The following FAM163B variants were observed in gnomAD, a reference collection of about 807,000 sequenced individuals.
FAM163B encodes family with sequence similarity 163 member B.
In FAM163B, 4 loss-of-function variants were observed where a neutral mutation model predicts 7.6. That is an observed-to-expected ratio of 0.52 (90% CI 0.26 to 1.20). The LOEUF (loss-of-function observed/expected upper bound fraction) is 1.20. Among genes scored for constraint, FAM163B ranks in the 50% most tolerant of loss-of-function variants. The pLI, the probability that FAM163B is intolerant of heterozygous loss-of-function variation, is 0.14. For missense variants in FAM163B, 250 were observed against 243.0 expected, an observed-to-expected ratio of 1.03 and a Z score of -0.19; for synonymous variants, 120 against 111.6, an observed-to-expected ratio of 1.07 and a Z score of -0.47.
intron 1 of FAM163B, among the ~76,000 whole-genome samples, chr9:133,583,656 G>A (rs969846653): frequency 9.2e-5 from 14 of 152,178 alleles, no homozygotes; most frequent in African/African-American, 1.4e-4. Context: ...AGATGCAGCC[G>A]GTCCCTGGCT....
intron 1 of FAM163B, among the ~76,000 whole-genome samples, chr9:133,590,670 C>T (rs1008638111): frequency 1.3e-5 from 2 of 152,176 alleles, no homozygotes; most frequent in Non-Finnish European, 2.9e-5. Context: ...ACTCTCTGCT[C>T]AGTGGGGACA....
At chr9:133,599,310 G>A (rs914168454) in intron 1 of FAM163B, among the ~76,000 whole-genome samples, 5 of 152,082 alleles carry the variant, frequency 3.3e-5, no homozygotes, top group East Asian at 3.9e-4. Flanking sequence ...TTTGCTGCTC[G>A]CCCAGGCCTC....
At chr9:133,591,551 G>A (rs73555789) in intron 1 of FAM163B, among the ~76,000 whole-genome samples, 9,984 of 152,204 alleles carry the variant, frequency 0.066, 484 homozygotes, top group Admixed American at 0.15. Flanking sequence ...CATAGCACCC[G>A]TCCCTCACAT....
Position 133,578,083 on chromosome 9 carries a change from C to A in FAM163B, c.*939G>T, listed in dbSNP as rs1476425875. On this transcript the variant is annotated 3_prime_UTR_variant, in exon 3 of 3. Coordinates refer to ENST00000673969, the MANE Select transcript of FAM163B (RefSeq NM_001080515.3). ...CTCTGTCCTCAGGGTCTCTCCTCAT[C>A]ACACAAGATGGGGAGACTGAGGCCC... is the stretch of plus-strand genomic sequence containing the variant. 6.6e-6 allele frequency among the ~76,000 whole-genome samples: 1 copy of A among 152,120 alleles called. No individual in the cohort carries two copies. Among genetic ancestry groups the A allele is most frequent in the Non-Finnish European group, 1.5e-5 (1 of 68,016 alleles).
chr9:133,597,013 C>T (rs1831642101), intron 1 of FAM163B, among the ~76,000 whole-genome samples: 1 of 152,172 alleles, frequency 6.6e-6, no homozygotes, highest in African/African-American at 2.4e-5. Flanking sequence ...AATAACTGAG[C>T]TGCATCCCAG....
chr9:133,580,298 T>C (rs1317595279), intron 1 of FAM163B, 52 bp from the exon 2 acceptor site: 1 of 1,344,670 alleles, frequency 7.4e-7, no homozygotes, highest in Non-Finnish European at 1.1e-6. Flanking sequence ...ACCACAAAAG[T>C]CACTCGTGCT....
intron 1 of FAM163B, among the ~76,000 whole-genome samples, chr9:133,596,691 G>A (rs1831637893): frequency 6.6e-6 from 1 of 152,194 alleles, no homozygotes; most frequent in South Asian, 2.1e-4. Flanking sequence ...GTAGCCGGAG[G>A]TCACAGGACA....
chr9:133,605,258 G>A (rs1831775920), intron 1 of FAM163B, among the ~76,000 whole-genome samples: 1 of 152,230 alleles, frequency 6.6e-6, no homozygotes, highest in Non-Finnish European at 1.5e-5. Context: ...TTTTATGAAT[G>A]AAGAACCTGG....
Position 133,600,259 on chromosome 9 carries a change from CTGTGTGTGTGTGTGTGTG to C in FAM163B, c.-24+8800_-24+8817del, listed in dbSNP as rs3074996. On this transcript the variant is annotated intron_variant, in intron 1 of 2. Coordinates refer to ENST00000673969, the MANE Select transcript of FAM163B (RefSeq NM_001080515.3). The surrounding 1 kb of genome is among the most constrained non-coding windows in gnomAD (Gnocchi z 4.9). ...CTGTGTGCATGTGTGTGAGTGTGGT[CTGTGTGTGTGTGTGTGTG>C]TGTGTGTGTGTGTGTGTGTAGTGCT... Among the ~76,000 whole-genome samples, 1 of 146,484 alleles carries C rather than the reference CTGTGTGTGTGTGTGTGTG, an allele frequency of 6.8e-6. No homozygotes were observed.
At chr9:133,602,298 G>T (rs1831740239) in intron 1 of FAM163B, among the ~76,000 whole-genome samples, 1 of 152,222 alleles carries the variant, frequency 6.6e-6, no homozygotes, top group South Asian at 2.1e-4. Flanking sequence ...GGAAACTAGG[G>T]CACAGAGAGG....
chr9:133,603,700 T>C (rs1305000959), intron 1 of FAM163B, among the ~76,000 whole-genome samples: 2 of 152,198 alleles, frequency 1.3e-5, no homozygotes, highest in Admixed American at 6.5e-5. Context: ...CTTCAGGGCT[T>C]AGCTCAAGCA....
intron 2 of FAM163B, 26 bp from the exon 3 acceptor site, chr9:133,579,455 G>A: frequency 1.3e-6 from 2 of 1,544,000 alleles, no homozygotes; most frequent in Non-Finnish European, 1.7e-6. Context: ...CGGTGACCAT[G>A]CGGCCGCCCG....
chr9:133,590,487 C>T (rs1831536151), intron 1 of FAM163B, among the ~76,000 whole-genome samples: 1 of 152,168 alleles, frequency 6.6e-6, no homozygotes, highest in African/African-American at 2.4e-5. Context: ...CTTTGAGCAT[C>T]CTCATGCAAA....
Position 133,579,027 on chromosome 9 carries a change from C to CCCAG in FAM163B, c.495_496insCTGG (p.Val166LeufsTer61), listed in dbSNP as rs1554726750. The CCCAG allele has an allele frequency of 6.5e-7, 1 of 1,538,124 alleles. No homozygotes were observed. Among genetic ancestry groups the CCCAG allele is most frequent in the East Asian group, 2.4e-5 (1 of 41,916 alleles). Reference sequence around the variant, plus strand: ...ATCCCGGGGGCGGGCCCAGGTCACACGTCGGTGCTGATGCTGCGGCTCCTG... The same window carrying CCCAG: ...ATCCCGGGGGCGGGCCCAGGTCACACCCAGGTCGGTGCTGATGCTGCGGCTCCTG... On this transcript the variant is annotated frameshift_variant, in exon 3 of 3. Transcript: ENST00000673969. LOFTEE classifies it high-confidence loss of function.
chr9:133,593,238 C>T (rs1170147950), intron 1 of FAM163B, among the ~76,000 whole-genome samples: 1 of 152,232 alleles, frequency 6.6e-6, no homozygotes, highest in Admixed American at 6.5e-5. Context: ...GGCAGACTCT[C>T]CCATGTCAGC....
intron 1 of FAM163B, among the ~76,000 whole-genome samples, chr9:133,584,269 T>G (rs6422851): frequency 0.61 from 93,303 of 152,022 alleles, 30,307 homozygotes; most frequent in African/African-American, 0.77. Flanking sequence ...ACCCCAGGAC[T>G]CTACTCAGCT....
In FAM163B at chr9:133,580,131, C is replaced by G; in HGVS notation, c.93G>C (p.Gln31His). Residue 31 changes from glutamine (Q) to histidine (H), a missense_variant and splice_region_variant, in exon 2 of 3, where the codon CAG becomes CAC. Coordinates refer to ENST00000673969, the MANE Select transcript of FAM163B (RefSeq NM_001080515.3). ...CCCCTTCCCCGCCGCCCGGGAATAC[C>G]TGGAGCCGGCAGTAGCACAGAACAG... is the stretch of plus-strand genomic sequence containing the variant. Reference protein sequence around the residue: ...IIAVLCYCRLQYYCCKKDESE... With the variant: ...IIAVLCYCRLHYYCCKKDESE... 6.2e-7 allele frequency: 1 copy of G among 1,611,440 alleles called. No individual in the cohort carries two copies. The highest frequency in any genetic ancestry group is 8.5e-7 in the Non-Finnish European group (1 of 1,179,882).
At position 133,599,633 on chromosome 9, in the gene FAM163B, TGTAA is replaced by T. The variant is rs1831683668; in HGVS notation, c.-24+9440_-24+9443del. Among the ~76,000 whole-genome samples the T allele has an allele frequency of 4.0e-5, 6 of 151,474 alleles. No homozygotes were observed. The South Asian group carries it at 1.3e-3, about 32-fold the overall frequency. ...GTGCATGTATCTGCATGCATGTATG[TGTAA>T]GTGTGCATGTGTTAGTTGTGTCTGT... On this transcript the variant is annotated intron_variant, in intron 1 of 2. Coordinates refer to ENST00000673969, the MANE Select transcript of FAM163B (RefSeq NM_001080515.3).
At chr9:133,602,266 C>T (rs1831739917) in intron 1 of FAM163B, among the ~76,000 whole-genome samples, 2 of 152,196 alleles carry the variant, frequency 1.3e-5, no homozygotes, top group African/African-American at 4.8e-5. Flanking sequence ...TGGGAAAGAG[C>T]CAGGCCCATG....
Sources: allele counts gnomAD v4.1 joint callset (sites outside exome capture counted in the v4.1 genomes callset), GRCh38; gene constraint gnomAD v4.1.1; non-coding constraint Gnocchi (gnomAD v3.1); transcripts MANE v1.5; gene names NCBI Gene and HGNC (gene_info 2026-07-23, HGNC 2026-07-21).